FHIT: variants seen among roughly 807,000 people sequenced by gnomAD.
FHIT encodes the protein bis(5'-adenosyl)-triphosphatase.
In FHIT, 19 loss-of-function variants were observed where a neutral mutation model predicts 17.9. That is an observed-to-expected ratio of 1.06 (90% CI 0.74 to 1.56). FHIT has a LOEUF of 1.56. FHIT is among the 40% of genes most tolerant of loss of function. FHIT has a pLI of 0.00. For synonymous variants in FHIT, 81 were observed against 69.7 expected (o/e 1.16, Z -0.81); for missense variants, 248 against 189.2 (o/e 1.31, Z -1.82).
chr3:60,901,069 T>C (rs192281076), intron 3 of FHIT, among the ~76,000 whole-genome samples: 21 of 149,306 alleles, frequency 1.4e-4, no homozygotes, highest in Non-Finnish European at 2.1e-4. Context: ...AATTACCATG[T>C]TTGACATTCT....
At chr3:61,083,469 A>AT (rs2035209547) in intron 2 of FHIT, among the ~76,000 whole-genome samples, 1 of 152,190 alleles carries the variant, frequency 6.6e-6, no homozygotes, top group Non-Finnish European at 1.5e-5. Context: ...GGGCGCCTGT[A>AT]GTCCCAGCTA....
intron 5 of FHIT, among the ~76,000 whole-genome samples, chr3:60,480,654 C>A (rs1445382935): frequency 1.3e-5 from 2 of 152,194 alleles, no homozygotes; most frequent in African/African-American, 4.8e-5. Flanking sequence ...CCCAGTGAGG[C>A]AGTCATTAAA....
intron 5 of FHIT, among the ~76,000 whole-genome samples, chr3:60,058,566 T>G (rs1374682442): frequency 6.6e-6 from 1 of 152,204 alleles, no homozygotes; most frequent in African/African-American, 2.4e-5. Context: ...ATGTTATGTG[T>G]AGTTTGCCAT....
intron 5 of FHIT, among the ~76,000 whole-genome samples, chr3:60,287,360 G>A (rs1209927245): frequency 6.6e-6 from 1 of 152,064 alleles, no homozygotes; most frequent in Admixed American, 6.6e-5. Context: ...GTAGAGACGG[G>A]CTTTCACCAT....
At chr3:59,756,031 A>G (rs1203222374) in intron 8 of FHIT, among the ~76,000 whole-genome samples, 3 of 152,172 alleles carry the variant, frequency 2.0e-5, no homozygotes, top group Non-Finnish European at 2.9e-5. Flanking sequence ...TGCCTGACAC[A>G]TAGTTAAGTG....
Position 60,005,056 on chromosome 3 carries a change from T to C in FHIT, c.279+6315A>G, listed in dbSNP as rs1699870429. ...CACCTGGTAGGCGACAGCTCTGGGT[T>C]TGAAACCAAGTAGTCTGGCCCCAGA... On this transcript the variant is annotated intron_variant, in intron 7 of 9. Transcript: ENST00000492590. Among the ~76,000 whole-genome samples the C allele has an allele frequency of 3.3e-5, 5 of 152,258 alleles. No individual in the cohort carries two copies. In the South Asian group the frequency reaches 1.0e-3, roughly 32 times the overall value.
At chr3:60,900,731 C>T (rs961431052) in intron 3 of FHIT, among the ~76,000 whole-genome samples, 1 of 151,944 alleles carries the variant, frequency 6.6e-6, no homozygotes, top group Non-Finnish European at 1.5e-5. Flanking sequence ...ATACTAAAAT[C>T]AGAATTCATT....
intron 3 of FHIT, among the ~76,000 whole-genome samples, chr3:61,040,457 C>T (rs527835072): frequency 2.0e-4 from 30 of 152,138 alleles, no homozygotes; most frequent in African/African-American, 6.3e-4. Context: ...TTATTAAATC[C>T]CTTAAAGAAA....
intron 8 of FHIT, among the ~76,000 whole-genome samples, chr3:59,903,777 C>T (rs926831155): frequency 1.3e-5 from 2 of 152,042 alleles, no homozygotes; most frequent in Admixed American, 1.3e-4. Context: ...CTGTGAGAGC[C>T]ATAAGGAGGC....
chr3:60,426,798 C>G (rs552704161), intron 5 of FHIT, among the ~76,000 whole-genome samples: 1 of 152,128 alleles, frequency 6.6e-6, no homozygotes, highest in Non-Finnish European at 1.5e-5. Flanking sequence ...CATGCAGTAG[C>G]ATGTTCAATT....
chr3:59,804,156 G>A (rs567082043), intron 8 of FHIT, among the ~76,000 whole-genome samples: 1 of 152,318 alleles, frequency 6.6e-6, no homozygotes, highest in Non-Finnish European at 1.5e-5. Context: ...ATCAGGTTAT[G>A]TCCTTGTCTC....
At chr3:60,299,483 T>C (rs1410504198) in intron 5 of FHIT, among the ~76,000 whole-genome samples, 1 of 152,130 alleles carries the variant, frequency 6.6e-6, no homozygotes, top group African/African-American at 2.4e-5. Context: ...TCACTAGACA[T>C]AGAATTCTAA....
chr3:60,672,954 T>C (rs1477371891), intron 4 of FHIT, among the ~76,000 whole-genome samples: 3 of 149,110 alleles, frequency 2.0e-5, no homozygotes, highest in Non-Finnish European at 4.5e-5. Flanking sequence ...CTTATCAAAA[T>C]CTACCTAAAA....
chr3:60,100,213 C>T (rs1484883171), intron 5 of FHIT, among the ~76,000 whole-genome samples: 7 of 151,988 alleles, frequency 4.6e-5, no homozygotes, highest in Non-Finnish European at 7.4e-5. Context: ...GGTAAAACCC[C>T]GTCTCTACTA....
chr3:60,492,508 AT>A (rs34685557), intron 5 of FHIT, among the ~76,000 whole-genome samples: 6,012 of 141,424 alleles, frequency 0.043, 142 homozygotes, highest in East Asian at 0.13. Context: ...GAAAGATGGC[AT>A]TTTTTTTTTT....
intron 5 of FHIT, among the ~76,000 whole-genome samples, chr3:60,255,478 C>T (rs1705941012): frequency 6.6e-6 from 1 of 151,960 alleles, no homozygotes; most frequent in Non-Finnish European, 1.5e-5. Context: ...GAACTGCAGC[C>T]AGCCGGACAG....
chr3:60,710,020 C>T (rs2041477067), intron 4 of FHIT, among the ~76,000 whole-genome samples: 1 of 145,446 alleles, frequency 6.9e-6, no homozygotes, highest in African/African-American at 2.5e-5. Flanking sequence ...CATGATATGT[C>T]AGTACACAGC....
At chr3:61,200,496 G>A (rs941471000) in intron 2 of FHIT, 121 bp downstream of exon 2, 1 of 152,638 alleles carries the variant, frequency 6.6e-6, no homozygotes, top group African/African-American at 2.4e-5. Context: ...GGACAAGCAG[G>A]TGGTTAAGGA....
intron 2 of FHIT, among the ~76,000 whole-genome samples, chr3:61,140,626 G>C (rs2037053896): frequency 6.6e-6 from 1 of 152,110 alleles, no homozygotes; most frequent in Non-Finnish European, 1.5e-5. Flanking sequence ...CCCTGAATAT[G>C]ACTACAATCA....
Sources: gnomAD v4.1 joint callset for allele counts (sites outside exome capture counted in the v4.1 genomes callset) on GRCh38, gnomAD v4.1.1 for gene constraint, MANE v1.5 for transcripts, NCBI Gene and HGNC (gene_info 2026-07-23, HGNC 2026-07-21) for gene names.